The following PFKP variants were observed in gnomAD, a reference collection of about 807,000 sequenced individuals.
PFKP encodes the protein phosphofructokinase, platelet, also known as ATP-dependent 6-phosphofructokinase, platelet type.
PFKP carries 101 observed loss-of-function variants against 94.3 expected under a neutral mutation model. The ratio of observed to expected loss-of-function variants is 1.07; its 90% confidence interval spans 0.91 to 1.26. PFKP has a LOEUF of 1.26. PFKP is among the 50% of genes most tolerant of loss of function. PFKP has a pLI of 0.00. For missense variants in PFKP, 1,145 were observed against 1,103.3 expected (o/e 1.04, Z -0.53); for synonymous variants, 573 against 432.6 (o/e 1.32, Z -4.03).
intron 14 of PFKP, among the ~76,000 whole-genome samples, chr10:3,117,081 T>C (rs190422676): frequency 2.6e-5 from 4 of 152,364 alleles, no homozygotes; most frequent in African/African-American, 4.8e-5. Flanking sequence ...TGCCTTCCTC[T>C]AATTCATATT....
At chr10:3,122,489 A>G (rs6602027) in intron 16 of PFKP, among the ~76,000 whole-genome samples, 1 of 152,036 alleles carries the variant, frequency 6.6e-6, no homozygotes, top group Non-Finnish European at 1.5e-5. Flanking sequence ...AATCCTGAGA[A>G]GGTTTGGATT....
chr10:3,080,448 C>T (rs1048882929), intron 1 of PFKP, among the ~76,000 whole-genome samples: 6 of 132,306 alleles, frequency 4.5e-5, no homozygotes, highest in African/African-American at 8.7e-5. Context: ...ACCTGGGAGG[C>T]GGAGCTTGCA....
intron 2 of PFKP, among the ~76,000 whole-genome samples, chr10:3,090,166 C>T (rs532244438): frequency 1.2e-4 from 18 of 152,240 alleles, no homozygotes; most frequent in South Asian, 2.1e-4. Context: ...TAAAATGTGG[C>T]GTATATACGC....
intron 2 of PFKP, among the ~76,000 whole-genome samples, chr10:3,098,947 G>C (rs191686196): frequency 2.0e-5 from 3 of 152,184 alleles, no homozygotes; most frequent in Non-Finnish European, 2.9e-5. Context: ...TGATAAACAC[G>C]TTGGGTGAAA....
chr10:3,116,876 G>C (rs770194814), intron 14 of PFKP, 30 bp downstream of exon 14: 15 of 1,499,952 alleles, frequency 1.0e-5, no homozygotes, highest in Non-Finnish European at 1.1e-5. Flanking sequence ...TCTATGACCT[G>C]CTTTTAAGGA....
rs752780559 is a variant in PFKP, at chr10:3,132,368, ACT to A, written c.1849-7_1849-6del. 148 of 1,596,696 alleles carry A rather than the reference ACT, an allele frequency of 9.3e-5. No individual in the cohort carries two copies. In the African/African-American group the frequency reaches 1.5e-3, roughly 16 times the overall value. ...AAGTTTATTGTCTGATTAACAAAAT[ACT>A]CTCTTCCAGTCCAACGTGGAGCACC... On this transcript the variant is annotated splice_polypyrimidine_tract_variant and intron_variant, in intron 17 of 21. Coordinates refer to ENST00000381125, the MANE Select transcript of PFKP (RefSeq NM_002627.5).
chr10:3,131,495 C>T (rs189451504), intron 17 of PFKP, among the ~76,000 whole-genome samples: 366 of 152,308 alleles, frequency 2.4e-3, no homozygotes, highest in African/African-American at 7.9e-3. Context: ...CTCGCTCTGT[C>T]ACCCAGGCTG....
At chr10:3,069,718 A>C (rs1251595392) in intron 1 of PFKP, among the ~76,000 whole-genome samples, 1 of 151,062 alleles carries the variant, frequency 6.6e-6, no homozygotes, top group African/African-American at 2.4e-5. Flanking sequence ...CTCTGTGTCT[A>C]CAAAAAAAAA....
rs1838813375 is a variant in PFKP, at chr10:3,133,305, C to T, written c.2013C>T (p.His671=). ...ACTGCAGGAAGAACGTGCTGGGTCA[C>T]ATGCAGCAGGTAGGCCCGAGACTGC... is the stretch of plus-strand genomic sequence containing the variant. The part of the protein sequence containing the change: ...VFDCRKNVLG[H]MQQGGAPSPF... The change falls in exon 19 of 22, where the codon CAC becomes CAT. Residue 671 remains histidine (H), a synonymous_variant. Transcript: ENST00000381125. 3 of 1,608,892 alleles carry T rather than the reference C, an allele frequency of 1.9e-6. No homozygotes were observed.
chr10:3,068,666 C>T (rs927633766), intron 1 of PFKP: 1 of 985,272 alleles, frequency 1.0e-6, no homozygotes, highest in Non-Finnish European at 1.2e-6. Context: ...AGACTCGGCG[C>T]GCCCCAGGCC....
intron 16 of PFKP, among the ~76,000 whole-genome samples, chr10:3,121,549 T>C (rs1212067033): frequency 2.6e-5 from 4 of 151,716 alleles, no homozygotes; most frequent in Non-Finnish European, 5.9e-5. Context: ...TGAGTTTCTT[T>C]TTAATTCCAG....
In PFKP at chr10:3,129,913, T is replaced by TG. The variant is rs747416036; in HGVS notation, c.1785dup (p.Leu596AlafsTer6). 3.1e-5 allele frequency: 50 copies of TG among 1,611,434 alleles called. No homozygotes were observed. The highest frequency in any genetic ancestry group is 1.2e-4 in the Admixed American group (7 of 59,808). Reference sequence around the variant, plus strand: ...GGCTACTGTGGCTACCTGGCCAACATGGGGGGGCTCGCGGCCGGAGCTGAT... The same window carrying TG: ...GGCTACTGTGGCTACCTGGCCAACATGGGGGGGGCTCGCGGCCGGAGCTGAT... On this transcript the variant is annotated frameshift_variant, in exon 17 of 22. Coordinates refer to ENST00000381125, the MANE Select transcript of PFKP (RefSeq NM_002627.5). LOFTEE classifies it high-confidence loss of function.
At chr10:3,118,735 G>A (rs753761535) in intron 14 of PFKP, 47 bp from the exon 15 acceptor site, 5 of 1,407,750 alleles carry the variant, frequency 3.6e-6, no homozygotes, top group Admixed American at 3.4e-5. Context: ...TGCGGACCGC[G>A]TGGAGTTTGG....
At chr10:3,079,967 C>T (rs1198263931) in intron 1 of PFKP, among the ~76,000 whole-genome samples, 1 of 151,984 alleles carries the variant, frequency 6.6e-6, no homozygotes, top group African/African-American at 2.4e-5. Flanking sequence ...CTCTGTCCTG[C>T]CACGAATAAA....
intron 2 of PFKP, among the ~76,000 whole-genome samples, chr10:3,093,789 T>A (rs915242551): frequency 4.6e-5 from 7 of 151,920 alleles, no homozygotes; most frequent in South Asian, 2.1e-4. Flanking sequence ...GACTACAGGC[T>A]CCCGCCACCA....
chr10:3,132,556 T>C, intron 18 of PFKP, 115 bp downstream of exon 18: 1 of 727,894 alleles, frequency 1.4e-6, no homozygotes, highest in Non-Finnish European at 2.5e-6. Context: ...TAGAGTGCAC[T>C]ACACACACTG....
In PFKP at chr10:3,115,421, GC is replaced by G. The variant is rs1164013137; in HGVS notation, c.1372-1353del. Among the ~76,000 whole-genome samples the G allele has an allele frequency of 6.3e-3, 180 of 28,522 alleles. 8 individuals carry two copies. The Middle Eastern group carries it at 0.075, about 12-fold the overall frequency. The allele number at this position is 28,522 out of a possible 152,430, so 18.7% of individuals were successfully genotyped here. ...ATGCCGGGGTGAAGGTGTGTGTCCC[GC>G]CATGGAGGACAGGACTGGGGATGCC... On this transcript the variant is annotated intron_variant, in intron 13 of 21. Transcript: ENST00000381125.
At chr10:3,129,060 A>AT (rs1192322824) in intron 16 of PFKP, 4 of 152,192 alleles carry the variant, frequency 2.6e-5, no homozygotes, top group Non-Finnish European at 5.9e-5. Flanking sequence ...GTGTGAACGG[A>AT]TTGGAGGGTC....
At chr10:3,068,794 C>T (rs2131361818) in intron 1 of PFKP, 1 of 678,912 alleles carries the variant, frequency 1.5e-6, no homozygotes, top group Middle Eastern at 7.4e-4. Context: ...AGCGATCGCG[C>T]AGGCTGGAGA....
Sources: gnomAD v4.1 joint callset for allele counts (sites outside exome capture counted in the v4.1 genomes callset) on GRCh38, gnomAD v4.1.1 for gene constraint, MANE v1.5 for transcripts, NCBI Gene and HGNC (gene_info 2026-07-23, HGNC 2026-07-21) for gene names.